NDST4: variants seen among roughly 807,000 people sequenced by gnomAD.
The protein encoded by NDST4 is N-deacetylase and N-sulfotransferase 4.
In NDST4, 63 loss-of-function variants were observed where a neutral mutation model predicts 100.8. That is an observed-to-expected ratio of 0.62 (90% CI 0.51 to 0.77). NDST4 has a LOEUF of 0.77. NDST4 is among the 30% of genes least tolerant of loss of function. NDST4 has a pLI of 0.00. For missense variants in NDST4, 943 were observed against 1,018.4 expected, an observed-to-expected ratio of 0.93 and a Z score of 1.01; for synonymous variants, 377 against 361.8, an observed-to-expected ratio of 1.04 and a Z score of -0.48.
intron 2 of NDST4, among the ~76,000 whole-genome samples, chr4:114,995,812 T>G (rs1353101515): frequency 6.6e-6 from 1 of 152,122 alleles, no homozygotes; most frequent in Non-Finnish European, 1.5e-5. Context: ...CAGTAAAGAT[T>G]TAAAGTAGAA....
chr4:114,992,823 T>C (rs1229568876), intron 2 of NDST4, among the ~76,000 whole-genome samples: 5 of 151,912 alleles, frequency 3.3e-5, no homozygotes, highest in Non-Finnish European at 7.4e-5. Context: ...TGATCTAAAC[T>C]CTAAATCTCT....
intron 1 of NDST4, among the ~76,000 whole-genome samples, chr4:115,081,364 T>G (rs369379617): frequency 4.5e-4 from 68 of 152,208 alleles, no homozygotes; most frequent in African/African-American, 1.6e-3. Flanking sequence ...ATACCATAAG[T>G]GTTTACCTAT....
chr4:114,827,998 T>C (rs1723117232), intron 13 of NDST4, 63 bp from the exon 14 acceptor site: 2 of 1,465,390 alleles, frequency 1.4e-6, no homozygotes. Flanking sequence ...GATATTGTAA[T>C]CTATATTTCT....
chr4:115,011,453 A>G (rs1727543324), intron 2 of NDST4, among the ~76,000 whole-genome samples: 1 of 150,040 alleles, frequency 6.7e-6, no homozygotes, highest in Non-Finnish European at 1.5e-5. Flanking sequence ...ACTAACATGA[A>G]GGCATCACTA....
intron 9 of NDST4, among the ~76,000 whole-genome samples, chr4:114,847,555 T>C (rs1314310644): frequency 6.6e-6 from 1 of 152,140 alleles, no homozygotes; most frequent in Non-Finnish European, 1.5e-5. Flanking sequence ...TTCAGGACCA[T>C]GTTTTCTTGA....
At chr4:114,935,158 A>G (rs765049335) in intron 6 of NDST4, 48 bp downstream of exon 6, 2 of 1,363,588 alleles carry the variant, frequency 1.5e-6, no homozygotes, top group Admixed American at 5.5e-5. Context: ...AATAAAACAC[A>G]TTTAAAAATG....
intron 1 of NDST4, among the ~76,000 whole-genome samples, chr4:115,104,651 T>A (rs982077397): frequency 1.3e-5 from 2 of 152,126 alleles, no homozygotes; most frequent in Admixed American, 1.3e-4. Flanking sequence ...TTAGTTAATT[T>A]TCAAGATCAT....
At chr4:115,048,670 C>T (rs1210452623) in intron 2 of NDST4, among the ~76,000 whole-genome samples, 1 of 150,522 alleles carries the variant, frequency 6.6e-6, no homozygotes, top group East Asian at 2.0e-4. Flanking sequence ...TTTTCATATA[C>T]CTGTTGGCCC....
rs200963169 is a variant in NDST4, at chr4:115,088,318, TA to T, written c.-246-11037del. Among the ~76,000 whole-genome samples the T allele has an allele frequency of 2.9e-3, 255 of 88,614 alleles. 1 individual carries two copies. Among genetic ancestry groups the T allele is most frequent in the African/African-American group, 8.3e-3 (201 of 24,194 alleles). 58.1% of individuals were successfully genotyped at this position (88,614 alleles called of 152,430 possible). Reference sequence around the variant, plus strand: ...AGATAATGTATATCTCTTCTAAAGTTAATTTTTTTTTTTTTGCCTCCACCTA... The same window carrying T: ...AGATAATGTATATCTCTTCTAAAGTTATTTTTTTTTTTTTGCCTCCACCTA... On this transcript the variant is annotated intron_variant, in intron 1 of 13. Transcript: ENST00000264363.
chr4:115,025,308 T>C (rs906422319), intron 2 of NDST4, among the ~76,000 whole-genome samples: 1 of 152,170 alleles, frequency 6.6e-6, no homozygotes, highest in Admixed American at 6.6e-5. Context: ...AAAGAGATAT[T>C]GAGTAGAATA....
At chr4:115,082,893 G>T (rs1729331447) in intron 1 of NDST4, among the ~76,000 whole-genome samples, 1 of 152,034 alleles carries the variant, frequency 6.6e-6, no homozygotes, top group African/African-American at 2.4e-5. Flanking sequence ...TAAAAGTTCA[G>T]CTATTCAAAG....
chr4:115,009,340 T>C (rs1727490748), intron 2 of NDST4, among the ~76,000 whole-genome samples: 1 of 127,952 alleles, frequency 7.8e-6, no homozygotes, highest in Non-Finnish European at 1.7e-5. Flanking sequence ...AACAGAGATA[T>C]AGATCAATGG....
intron 1 of NDST4, among the ~76,000 whole-genome samples, chr4:115,106,806 G>A (rs553071786): frequency 3.5e-4 from 53 of 152,096 alleles, no homozygotes; most frequent in Middle Eastern, 3.4e-3. Context: ...GGTTCTTACC[G>A]CCACCAATTT....
intron 2 of NDST4, among the ~76,000 whole-genome samples, chr4:115,009,138 C>T (rs1364055245): frequency 7.9e-6 from 1 of 126,304 alleles, no homozygotes; most frequent in Non-Finnish European, 1.7e-5. Context: ...CAATGCCATC[C>T]CCATCAAGCT....
At chr4:115,072,185 A>G (rs1729091822) in intron 2 of NDST4, among the ~76,000 whole-genome samples, 1 of 152,064 alleles carries the variant, frequency 6.6e-6, no homozygotes, top group Non-Finnish European at 1.5e-5. Flanking sequence ...ATACAAAATA[A>G]TCTTGAAGGA....
At chr4:115,053,991 A>T (rs570998235) in intron 2 of NDST4, among the ~76,000 whole-genome samples, 45 of 152,106 alleles carry the variant, frequency 3.0e-4, no homozygotes, top group Non-Finnish European at 5.3e-4. Flanking sequence ...CTCTTAGTAA[A>T]GAGTTTTGTA....
At chr4:114,874,466 G>A (rs537949971) in intron 6 of NDST4, among the ~76,000 whole-genome samples, 2 of 152,290 alleles carry the variant, frequency 1.3e-5, no homozygotes, top group Middle Eastern at 3.4e-3. Flanking sequence ...AAACAAGCAC[G>A]CCATCCATAT....
At chr4:115,088,444 T>TA (rs1729450533) in intron 1 of NDST4, among the ~76,000 whole-genome samples, 1 of 152,000 alleles carries the variant, frequency 6.6e-6, no homozygotes, top group Non-Finnish European at 1.5e-5. Context: ...GTTTCATCTG[T>TA]AGACCATAAA....
intron 2 of NDST4, among the ~76,000 whole-genome samples, chr4:114,999,800 G>A (rs2583515): frequency 0.15 from 22,958 of 151,844 alleles, 2,139 homozygotes; most frequent in South Asian, 0.34. Flanking sequence ...AATTATTGTC[G>A]TAAAGGCTGT....
Sources: gnomAD v4.1 joint callset for allele counts (sites outside exome capture counted in the v4.1 genomes callset) on GRCh38, gnomAD v4.1.1 for gene constraint, MANE v1.5 for transcripts, NCBI Gene and HGNC (gene_info 2026-07-23, HGNC 2026-07-21) for gene names.